The following ZNF7 variants were observed in gnomAD, a reference collection of about 807,000 sequenced individuals.
ZNF7 encodes the protein C2-H2 type zinc finger protein.
A neutral mutation model predicts 12.0 loss-of-function variants in ZNF7; 10 were observed. The ratio of observed to expected loss-of-function variants is 0.83; its 90% CI spans 0.51 to 1.42. ZNF7 has a LOEUF of 1.42. ZNF7 is among the 40% of genes most tolerant of loss of function. The pLI, the probability that ZNF7 is intolerant of heterozygous loss-of-function variation, is 0.00. For missense variants in ZNF7, 854 were observed against 837.2 expected, an observed-to-expected ratio of 1.02 and a Z score of -0.25; for synonymous variants, 334 against 295.0, an observed-to-expected ratio of 1.13 and a Z score of -1.35.
intron 4 of ZNF7, chr8:144,838,254 A>C: frequency 1.5e-6 from 1 of 645,692 alleles, no homozygotes; most frequent in South Asian, 1.7e-5. Context: ...ATGGTGGGTT[A>C]GGGGCCACCC....
intron 4 of ZNF7, 41 bp downstream of exon 4, chr8:144,837,548 G>A (rs767707152): frequency 1.1e-5 from 16 of 1,490,946 alleles, no homozygotes. Context: ...CTGGGGTGAG[G>A]AGAAACTGCA....
At chr8:144,830,998 G>A (rs1312685818) in intron 3 of ZNF7, 4 of 456,200 alleles carry the variant, frequency 8.8e-6, no homozygotes, top group Non-Finnish European at 1.3e-5. Flanking sequence ...GCAACCTGTG[G>A]GCCTGGCCAT....
In ZNF7 at chr8:144,842,574, A is replaced by G; in HGVS notation, c.1467A>G (p.Arg489=). 1 of 1,614,206 alleles carries G rather than the reference A, an allele frequency of 6.2e-7. No homozygotes were observed. Among genetic ancestry groups the G allele is most frequent in the African/African-American group, 1.3e-5 (1 of 75,070 alleles). The change falls in exon 5 of 5, where the codon CGA becomes CGG. Residue 489 remains arginine (R), a synonymous_variant. Coordinates refer to ENST00000532777, the MANE Select transcript of ZNF7 (RefSeq NM_003416.4). ...VQGSHLIQHQ[R]IHTGEKPYVC... ...GCTCACACCTTATTCAGCATCAGCG[A>G]ATCCACACTGGAGAGAAACCCTATG... is the stretch of plus-strand genomic sequence containing the variant.
Position 144,842,605 on chromosome 8 carries a change from A to G in ZNF7, c.1498A>G (p.Asn500Asp). The change falls in exon 5 of 5, where the codon AAT becomes GAT. Residue 500 changes from asparagine to aspartate, a missense_variant. Asn to Asp is a conservative substitution (Grantham distance 23). Coordinates refer to ENST00000532777, the MANE Select transcript of ZNF7 (RefSeq NM_003416.4). ...CACTGGAGAGAAACCCTATGTGTGTAATGACTGTGGAAAAGCCTTCAGTCA... is the reference window on the plus strand; with the variant it reads ...CACTGGAGAGAAACCCTATGTGTGTGATGACTGTGGAAAAGCCTTCAGTCA... ...IHTGEKPYVC[N>D]DCGKAFSQSS... 1 of 1,614,206 alleles carries G rather than the reference A, an allele frequency of 6.2e-7. No individual in the cohort carries two copies. Among genetic ancestry groups the G allele is most frequent in the Non-Finnish European group, 8.5e-7 (1 of 1,180,042 alleles).
At chr8:144,844,280 C>A (rs1217940519), downstream of ZNF7, among the ~76,000 whole-genome samples, 6 of 152,236 alleles carry the variant, frequency 3.9e-5, no homozygotes, top group Admixed American at 3.3e-4. Flanking sequence ...CCAACCCCCC[C>A]ATCCATGCCA....
At chr8:144,841,289 A>AT (rs1829876593) in intron 4 of ZNF7, 66 bp from the exon 5 acceptor site, 18 of 1,497,148 alleles carry the variant, frequency 1.2e-5, no homozygotes, top group Non-Finnish European at 1.6e-5. Flanking sequence ...TGGCCCCCGC[A>AT]TTTGTAGTCT....
intron 4 of ZNF7, chr8:144,838,297 C>T (rs1001668068): frequency 4.3e-5 from 25 of 583,478 alleles, no homozygotes; most frequent in South Asian, 1.5e-4. Flanking sequence ...TAATCTGCAA[C>T]GACTGTGTTT....
chr8:144,828,665 C>T (rs907610852), intron 1 of ZNF7: 9 of 241,222 alleles, frequency 3.7e-5, no homozygotes, highest in Admixed American at 9.7e-5. Context: ...GTTCCCTGTA[C>T]TTGAGCGCTG....
rs1251201053 is a variant in ZNF7 at position 144,843,295 on chromosome 8, A to C, written c.*127A>C. 1.6e-6 allele frequency: 2 copies of C among 1,225,436 alleles called. No individual in the cohort carries two copies. Among genetic ancestry groups the C allele is most frequent in the African/African-American group, 3.0e-5 (2 of 65,690 alleles). 75.9% of individuals were successfully genotyped at this position (1,225,436 alleles called of 1,614,324 possible). A position where few individuals can be genotyped will look rare whatever the true frequency, so the allele number is the denominator to read the frequency against. ...TAAAGGTTCAGAATTGCTCTCAAGA[A>C]TATCCAACTTCAGGCCGAGTGTGGT... On this transcript the variant is annotated 3_prime_UTR_variant, in exon 5 of 5. Coordinates refer to ENST00000532777, the MANE Select transcript of ZNF7 (RefSeq NM_003416.4).
chr8:144,828,869 G>A, intron 1 of ZNF7, 174 bp from the exon 2 acceptor site: 1 of 745,172 alleles, frequency 1.3e-6, no homozygotes, highest in Non-Finnish European at 2.2e-6. Context: ...AGGAACAAGA[G>A]TTCAGTGGGC....
At chr8:144,838,269 G>A (rs1037952647) in intron 4 of ZNF7, 9 of 613,156 alleles carry the variant, frequency 1.5e-5, no homozygotes, top group Non-Finnish European at 2.7e-5. Context: ...CCACCCCAGT[G>A]ACCTCATGGT....
Position 144,829,607 on chromosome 8 carries a change from G to A in ZNF7, c.130+3G>A, listed in dbSNP as rs749801793. On this transcript the variant is annotated splice_donor_region_variant and intron_variant, in intron 3 of 4. Coordinates refer to ENST00000532777, the MANE Select transcript of ZNF7 (RefSeq NM_003416.4). ...CCACAGCAGTGTGGCTGGACTAGGT[G>A]AGGCTGCACCTTGGGGCCCCTTCCC... is the stretch of plus-strand genomic sequence containing the variant. 5 of 1,603,482 alleles carry A rather than the reference G, an allele frequency of 3.1e-6. No homozygotes were observed. In the Admixed American group the frequency reaches 6.7e-5, roughly 22 times the overall value.
At chr8:144,829,203 G>C (rs980414821) in intron 2 of ZNF7, 113 bp downstream of exon 2, 4 of 1,577,898 alleles carry the variant, frequency 2.5e-6, no homozygotes, top group Non-Finnish European at 3.4e-6. Flanking sequence ...GGCTTAGGAA[G>C]GCCCCCTTGC....
intron 3 of ZNF7, among the ~76,000 whole-genome samples, chr8:144,832,753 G>A (rs1828587563): frequency 6.6e-6 from 1 of 152,152 alleles, no homozygotes. Context: ...CCTCCTCCAA[G>A]GTCACTGAGA....
chr8:144,837,363 A>C (rs1829135138), intron 3 of ZNF7, 28 bp from the exon 4 acceptor site: 1 of 1,567,084 alleles, frequency 6.4e-7, no homozygotes, highest in Admixed American at 1.7e-5. Flanking sequence ...TCATGCTGAC[A>C]CTGTTGTCTT....
At chr8:144,827,724 G>A in intron 1 of ZNF7, 115 bp downstream of exon 1, 1 of 976,166 alleles carries the variant, frequency 1.0e-6, no homozygotes, top group Non-Finnish European at 1.2e-6. Flanking sequence ...CGGGCCTCCA[G>A]GCGGGAAAGC....
rs1422995836 is a variant in ZNF7, at chr8:144,842,998, A to T, written c.1891A>T (p.Lys631Ter). The T allele has an allele frequency of 6.2e-7, 1 of 1,614,200 alleles. No homozygotes were observed. Among genetic ancestry groups the T allele is most frequent in the Non-Finnish European group, 8.5e-7 (1 of 1,180,042 alleles). ...GAGCCGTAAAAAGGTTAATACTATA[A>T]AGAAACTGCATCAGTGTGAAGACTG... ...FVSRKKVNTIKKLHQCEDCEK... is the reference protein window; with the variant it reads ...FVSRKKVNTI The change falls in exon 5 of 5, where the codon AAG (lysine) becomes TAG (stop). Residue 631 changes from lysine to a stop codon, truncating the protein, a stop_gained. Coordinates refer to ENST00000532777, the MANE Select transcript of ZNF7 (RefSeq NM_003416.4). LOFTEE classifies it low-confidence loss of function (END_TRUNC).
rs762592348 is a variant in ZNF7, at chr8:144,841,756, A to G, written c.649A>G (p.Ile217Val). The G allele has an allele frequency of 3.1e-6, 5 of 1,614,148 alleles. No homozygotes were observed. The East Asian group carries it at 8.9e-5, about 29-fold the overall frequency. The change falls in exon 5 of 5, where the codon ATT becomes GTT. Residue 217 changes from isoleucine (I) to valine (V), a missense_variant. Coordinates refer to ENST00000532777, the MANE Select transcript of ZNF7 (RefSeq NM_003416.4). ...ATSDIALHWE[I>V]NTQKISRCQE... ...TTCAGATATCGCTCTGCATTGGGAAATTAATACACAGAAAATTAGCAGATG... is the reference window on the plus strand; with the variant it reads ...TTCAGATATCGCTCTGCATTGGGAAGTTAATACACAGAAAATTAGCAGATG...
At position 144,843,019 on chromosome 8, in the gene ZNF7, G is replaced by C. The variant is rs1401435920; in HGVS notation, c.1912G>C (p.Asp638His). 12 of 1,614,090 alleles carry C rather than the reference G, an allele frequency of 7.4e-6. No individual in the cohort carries two copies. The East Asian group carries it at 2.7e-4, about 36-fold the overall frequency. The change falls in exon 5 of 5, where the codon GAC becomes CAC. Residue 638 changes from aspartate (D) to histidine (H), a missense_variant. Transcript: ENST00000532777. ...NTIKKLHQCE[D>H]CEKIFRWRSH... Reference sequence around the variant, plus strand: ...TATAAAGAAACTGCATCAGTGTGAAGACTGTGAGAAGATATTTAGGTGGCG... The same window carrying C: ...TATAAAGAAACTGCATCAGTGTGAACACTGTGAGAAGATATTTAGGTGGCG...
Sources: allele counts gnomAD v4.1 joint callset (sites outside exome capture counted in the v4.1 genomes callset), GRCh38; gene constraint gnomAD v4.1.1; transcripts MANE v1.5; gene names NCBI Gene and HGNC (gene_info 2026-07-23, HGNC 2026-07-21).